PARVB: variants seen among roughly 807,000 people sequenced by gnomAD.
PARVB encodes beta-parvin.
A neutral mutation model predicts 47.0 loss-of-function variants in PARVB; 46 were observed. The observed-to-expected ratio is 0.98, with a 90% CI of 0.77 to 1.25. PARVB has a LOEUF of 1.25. Ranked by LOEUF, PARVB falls within the 50% of genes most tolerant of loss-of-function variation. The probability of loss-of-function intolerance (pLI) is 0.00; values close to 1 mark genes in which losing one functional copy is unlikely to be tolerated. For synonymous variants in PARVB, 196 were observed against 196.3 expected (o/e 1.00, Z 0.01); for missense variants, 473 against 471.6 (o/e 1.00, Z -0.03).
intron 4 of PARVB, among the ~76,000 whole-genome samples, chr22:44,121,583 G>A (rs1406105107): frequency 6.6e-6 from 1 of 150,968 alleles, no homozygotes; most frequent in African/African-American, 2.4e-5. Flanking sequence ...CCCTAAAATA[G>A]AATAACACAT....
At chr22:44,162,329 C>T (rs1334755284) in intron 11 of PARVB, among the ~76,000 whole-genome samples, 2 of 152,044 alleles carry the variant, frequency 1.3e-5, no homozygotes, top group Non-Finnish European at 2.9e-5. Flanking sequence ...TGTTTGTTTG[C>T]TTGTTTTTTT....
intron 1 of PARVB, among the ~76,000 whole-genome samples, chr22:44,066,804 C>CCTCCCT (rs2051540319): frequency 7.6e-6 from 1 of 131,086 alleles, no homozygotes; most frequent in Non-Finnish European, 1.6e-5. Context: ...TCCTCCTCCT[C>CCTCCCT]CTCCTCCTCC....
chr22:44,014,796 T>A (rs963653242), intron 2 of PARVB, among the ~76,000 whole-genome samples: 17 of 152,178 alleles, frequency 1.1e-4, no homozygotes, highest in Non-Finnish European at 2.4e-4. Context: ...TCAAGCCAGT[T>A]CTTGATTGTC....
chr22:44,137,138 T>C (rs1226033121), intron 7 of PARVB, among the ~76,000 whole-genome samples: 3 of 152,274 alleles, frequency 2.0e-5, no homozygotes, highest in African/African-American at 7.2e-5. Flanking sequence ...TAAAAATTGA[T>C]TGTCTCAGCT....
At chr22:44,023,557 TAAAATA>T (rs2050679883), upstream of PARVB, among the ~76,000 whole-genome samples, 2 of 129,698 alleles carry the variant, frequency 1.5e-5, no homozygotes, top group Admixed American at 7.3e-5. Context: ...TAAAATAAAA[TAAAATA>T]AAATAAAATA....
rs752332837 is a variant in PARVB, at chr22:44,100,037, C to T, written c.203-16C>T. The T allele has an allele frequency of 4.3e-6, 7 of 1,612,758 alleles. No homozygotes were observed. Among genetic ancestry groups the T allele is most frequent in the East Asian group, 2.2e-5 (1 of 44,878 alleles). ...CCCCACAATCGCTGACCGTGACTTCCTTTTGTCCCTGGCAGAGGAGAACGA... is the reference window on the plus strand; with the variant it reads ...CCCCACAATCGCTGACCGTGACTTCTTTTTGTCCCTGGCAGAGGAGAACGA... On this transcript the variant is annotated splice_polypyrimidine_tract_variant and intron_variant, in intron 2 of 12. Coordinates refer to ENST00000338758, the MANE Select transcript of PARVB (RefSeq NM_013327.5).
chr22:44,066,950 A>C (rs765912707), intron 1 of PARVB, among the ~76,000 whole-genome samples: 65 of 151,808 alleles, frequency 4.3e-4, no homozygotes, highest in Admixed American at 9.2e-4. Flanking sequence ...CATAGGCTCA[A>C]GTGATCCTCC....
intron 1 of PARVB, among the ~76,000 whole-genome samples, chr22:44,058,566 T>C (rs1346232154): frequency 2.7e-5 from 4 of 147,520 alleles, no homozygotes; most frequent in Admixed American, 2.7e-4. Flanking sequence ...TTTTTTTTTT[T>C]TTTTTTGAGA....
chr22:44,106,148 T>G (rs890386095), intron 3 of PARVB: 3 of 144,938 alleles, frequency 2.1e-5, no homozygotes, highest in Non-Finnish European at 4.5e-5. Context: ...GTTTTTTTTT[T>G]TTTTTTTTTT....
intron 1 of PARVB, among the ~76,000 whole-genome samples, chr22:44,076,931 C>G (rs1443665170): frequency 6.6e-6 from 1 of 152,116 alleles, no homozygotes; most frequent in African/African-American, 2.4e-5. Flanking sequence ...CTGTCTGATA[C>G]CAGCTTGGCT....
intron 1 of PARVB, among the ~76,000 whole-genome samples, chr22:44,027,318 T>A (rs1304552169): frequency 6.6e-6 from 1 of 152,060 alleles, no homozygotes; most frequent in Non-Finnish European, 1.5e-5. Flanking sequence ...TGGGCCAGGA[T>A]GGAGGTCGGG....
intron 1 of PARVB, among the ~76,000 whole-genome samples, chr22:44,043,861 C>T (rs768987170): frequency 6.6e-5 from 10 of 152,084 alleles, no homozygotes; most frequent in Non-Finnish European, 2.9e-5. Flanking sequence ...CGGGTGGATC[C>T]GGGACAGACA....
At chr22:44,145,922 C>A (rs1356954602) in intron 8 of PARVB, 1 of 151,456 alleles carries the variant, frequency 6.6e-6, no homozygotes, top group Non-Finnish European at 1.5e-5. Flanking sequence ...TTTGTTTTGC[C>A]CCTTAGCAGA....
chr22:44,156,425 A>G (rs1295833853), intron 10 of PARVB, among the ~76,000 whole-genome samples: 2 of 151,806 alleles, frequency 1.3e-5, no homozygotes, highest in African/African-American at 2.4e-5. Context: ...GATTACAGGC[A>G]TGCACCACCA....
rs866245382 is a variant in PARVB, at chr22:44,068,845, C to T, written c.113-25083C>T. 1.2e-4 allele frequency among the ~76,000 whole-genome samples: 18 copies of T among 152,184 alleles called. No individual in the cohort carries two copies. Among genetic ancestry groups the T allele is most frequent in the East Asian group, 9.6e-4 (5 of 5,192 alleles). On this transcript the variant is annotated intron_variant, in intron 1 of 12. Coordinates refer to ENST00000338758, the MANE Select transcript of PARVB (RefSeq NM_013327.5). The surrounding 1 kb of genome is among the most constrained non-coding windows in gnomAD (Gnocchi z 4.1). ...TTCAGTCAGCCCAGGGGCCTGGGCG[C>T]GCCCTTCCTTCCTTCTTTGTGCATG...
chr22:44,120,739 G>T (rs1309745399), intron 4 of PARVB, among the ~76,000 whole-genome samples: 1 of 151,990 alleles, frequency 6.6e-6, no homozygotes, highest in Non-Finnish European at 1.5e-5. Context: ...GTAGTGGGGT[G>T]AACATAGCTC....
chr22:44,023,537 C>CAAAATAAAATAAAAT (rs869277920), upstream of PARVB, among the ~76,000 whole-genome samples: 3 of 127,394 alleles, frequency 2.4e-5, no homozygotes, highest in South Asian at 2.6e-4. Flanking sequence ...TAAAACAAAA[C>CAAAATAAAATAAAAT]AAAATAAAAT....
chr22:44,069,495 G>A (rs1323443510), intron 1 of PARVB, among the ~76,000 whole-genome samples: 1 of 151,974 alleles, frequency 6.6e-6, no homozygotes, highest in African/African-American at 2.4e-5. Context: ...TTTTTCATAG[G>A]GGTACCTGAT....
intron 1 of PARVB, among the ~76,000 whole-genome samples, chr22:44,062,407 G>A (rs2051436592): frequency 6.6e-6 from 1 of 152,174 alleles, no homozygotes; most frequent in African/African-American, 2.4e-5. Flanking sequence ...GGAGGCCAAG[G>A]CAGGTGGATT....
Sources: allele counts gnomAD v4.1 joint callset (sites outside exome capture counted in the v4.1 genomes callset), GRCh38; gene constraint gnomAD v4.1.1; non-coding constraint Gnocchi (gnomAD v3.1); transcripts MANE v1.5; gene names NCBI Gene and HGNC (gene_info 2026-07-23, HGNC 2026-07-21).